The following KNTC1 variants were observed in gnomAD, a reference collection of about 807,000 sequenced individuals.
KNTC1 encodes kinetochore-associated protein 1.
A neutral mutation model predicts 314.4 loss-of-function variants in KNTC1; 253 were observed. The observed-to-expected ratio is 0.80, with a 90% CI of 0.73 to 0.89. The LOEUF is 0.89. KNTC1 is among the 40% of genes least tolerant of loss of function. The pLI is 0.00. For missense variants in KNTC1, 2,475 were observed against 2,572.9 expected (o/e 0.96, Z 0.82); for synonymous variants, 901 against 901.4 (o/e 1.00, Z 0.01).
chr12:122,619,758 T>C (rs1874211136), intron 59 of KNTC1, among the ~76,000 whole-genome samples: 1 of 152,202 alleles, frequency 6.6e-6, no homozygotes, highest in South Asian at 2.1e-4. Flanking sequence ...TTACAATGTC[T>C]ACTTCCCATG....
intron 37 of KNTC1, among the ~76,000 whole-genome samples, chr12:122,586,418 G>A (rs1869308628): frequency 1.3e-5 from 2 of 152,162 alleles, no homozygotes; most frequent in African/African-American, 4.8e-5. Flanking sequence ...TGCTTCTTCA[G>A]TTTGTGGACG....
chr12:122,534,900 C>CG (rs1961663350), intron 3 of KNTC1, 116 bp downstream of exon 3: 1 of 1,009,972 alleles, frequency 9.9e-7, no homozygotes, highest in African/African-American at 1.6e-5. Flanking sequence ...CAAATTAGAC[C>CG]AATTTCAAGT....
At chr12:122,531,270 C>T (rs541376581) in intron 2 of KNTC1, among the ~76,000 whole-genome samples, 40 of 152,034 alleles carry the variant, frequency 2.6e-4, no homozygotes, top group Admixed American at 7.9e-4. Flanking sequence ...GGTGCTATCT[C>T]GGCTCGGCTC....
Position 122,601,934 on chromosome 12 carries a change from T to C in KNTC1, c.4653+309T>C, listed in dbSNP as rs575945996. 1.5e-4 allele frequency: 29 copies of C among 188,500 alleles called. 2 individuals carry two copies. In the South Asian group the frequency reaches 3.0e-3, roughly 20 times the overall value. 11.7% of individuals were successfully genotyped at this position (188,500 alleles called of 1,614,324 possible). A position where few individuals can be genotyped will look rare whatever the true frequency, so the allele number is the denominator to read the frequency against. On this transcript the variant is annotated intron_variant, in intron 45 of 63. Transcript: ENST00000333479. ...TGAAGAATTAAGGAAACATTTGCCATGTAGGAAGTGAAAAAGGCCATGGGA... is the reference window on the plus strand; with the variant it reads ...TGAAGAATTAAGGAAACATTTGCCACGTAGGAAGTGAAAAAGGCCATGGGA...
At chr12:122,567,475 T>A (rs1442936280) in intron 20 of KNTC1, among the ~76,000 whole-genome samples, 1 of 152,244 alleles carries the variant, frequency 6.6e-6, no homozygotes. Context: ...TATATTCAAA[T>A]AATGAAATTT....
At chr12:122,596,935 T>C (rs1291257946) in intron 43 of KNTC1, among the ~76,000 whole-genome samples, 6 of 152,206 alleles carry the variant, frequency 3.9e-5, no homozygotes, top group Non-Finnish European at 8.8e-5. Context: ...CTTTATTCTT[T>C]TCTTTTACTA....
chr12:122,577,074 T>C (rs753711933), intron 30 of KNTC1, 45 bp downstream of exon 30: 1 of 1,423,552 alleles, frequency 7.0e-7, no homozygotes. Flanking sequence ...TCTTTGTTTC[T>C]GTGTTGTTGT....
At chr12:122,537,062 A>T (rs1961895525) in intron 3 of KNTC1, among the ~76,000 whole-genome samples, 1 of 152,198 alleles carries the variant, frequency 6.6e-6, no homozygotes. Context: ...TTGTGGCGGA[A>T]TAACTTGAGT....
chr12:122,572,805 G>T, intron 24 of KNTC1, 132 bp from the exon 25 acceptor site: 1 of 655,590 alleles, frequency 1.5e-6, no homozygotes. Flanking sequence ...GCATAAGTTG[G>T]TTTAAAGTTG....
At position 122,613,768 on chromosome 12, in the gene KNTC1, A is replaced by G. The variant is rs1224972894; in HGVS notation, c.5877+7A>G. 4.4e-6 allele frequency: 7 copies of G among 1,598,722 alleles called. No homozygotes were observed. Among genetic ancestry groups the G allele is most frequent in the African/African-American group, 1.3e-5 (1 of 74,212 alleles). On this transcript the variant is annotated splice_region_variant and intron_variant, in intron 55 of 63. Coordinates refer to ENST00000333479, the MANE Select transcript of KNTC1 (RefSeq NM_014708.6). ...CCACAGCCACGAGTCCATGGTAGGT[A>G]CACCTCACTGCCCCATTCCCAATTC...
At chr12:122,546,911 C>T (rs937083578) in intron 10 of KNTC1, among the ~76,000 whole-genome samples, 4 of 150,686 alleles carry the variant, frequency 2.7e-5, no homozygotes, top group African/African-American at 4.9e-5. Flanking sequence ...CGGCTCACTG[C>T]AACCTCCACC....
At chr12:122,537,638 G>C (rs187042545) in intron 3 of KNTC1, among the ~76,000 whole-genome samples, 9 of 151,816 alleles carry the variant, frequency 5.9e-5, no homozygotes, top group African/African-American at 2.2e-4. Flanking sequence ...GGCTGGTCTC[G>C]AACTCCTGAC....
In KNTC1 at chr12:122,572,953, CAG is replaced by C; in HGVS notation, c.2039_2040del (p.Glu680GlyfsTer11). 1 of 1,589,124 alleles carries C rather than the reference CAG, an allele frequency of 6.3e-7. No individual in the cohort carries two copies. The highest frequency in any genetic ancestry group is 8.6e-7 in the Non-Finnish European group (1 of 1,163,076). On this transcript the variant is annotated frameshift_variant, in exon 25 of 64. Coordinates refer to ENST00000333479, the MANE Select transcript of KNTC1 (RefSeq NM_014708.6). LOFTEE classifies it high-confidence loss of function. ...TTGTTTTAGAAAGATTATCAGAACA[CAG>C]AGGAAGTATGTCAGCTAAGGACTTT... is the stretch of plus-strand genomic sequence containing the variant.
At position 122,575,915 on chromosome 12, in the gene KNTC1, G is replaced by T. The variant is rs370395166; in HGVS notation, c.2586+16G>T. On this transcript the variant is annotated intron_variant, in intron 29 of 63. Transcript: ENST00000333479. The stretch of plus-strand genomic sequence containing the variant: ...GGAAATAATGGTAAGTACACTCTTC[G>T]AAGAGTCTTTTTTCTCTTTCATTTC... The T allele has an allele frequency of 1.9e-6, 3 of 1,581,718 alleles. No homozygotes were observed. Among genetic ancestry groups the T allele is most frequent in the Non-Finnish European group, 2.6e-6 (3 of 1,170,158 alleles).
Position 122,615,702 on chromosome 12 carries a change from A to T in KNTC1, c.6030+176A>T, listed in dbSNP as rs369364331. Among the ~76,000 whole-genome samples, 7 of 152,314 alleles carry T rather than the reference A, an allele frequency of 4.6e-5. No individual in the cohort carries two copies. In the East Asian group the frequency reaches 7.7e-4, roughly 17 times the overall value. The stretch of plus-strand genomic sequence containing the variant: ...TTTGGGAGGCCAAGGTGGAAGGATC[A>T]CTTGAGCCCAGGAGTTTGAGGCTGC... On this transcript the variant is annotated intron_variant, in intron 57 of 63. Coordinates refer to ENST00000333479, the MANE Select transcript of KNTC1 (RefSeq NM_014708.6).
At chr12:122,615,736 G>A (rs7134209) in intron 57 of KNTC1, among the ~76,000 whole-genome samples, 5,367 of 152,184 alleles carry the variant, frequency 0.035, 342 homozygotes, top group African/African-American at 0.12. Context: ...GCAGTGAGCC[G>A]TGATTGCACC....
rs927131220 is a variant in KNTC1, at chr12:122,582,738, T to G, written c.3016T>G (p.Tyr1006Asp). 1 of 1,610,298 alleles carries G rather than the reference T, an allele frequency of 6.2e-7. No individual in the cohort carries two copies. The highest frequency in any genetic ancestry group is 8.5e-7 in the Non-Finnish European group (1 of 1,178,592). The change falls in exon 34 of 64, where the codon TAT becomes GAT. Residue 1006 changes from tyrosine to aspartate, a missense_variant. Tyr to Asp is a radical substitution (Grantham distance 160). Transcript: ENST00000333479. ...NFEVFLSFED[Y>D]SNSSLVADLR... ...TGAGGTCTTTCTTTCATTTGAAGAT[T>G]ATAGCAATAGTTCCCTGGTAGCAGA...
chr12:122,536,461 A>T (rs926823857), intron 3 of KNTC1, among the ~76,000 whole-genome samples: 1 of 150,750 alleles, frequency 6.6e-6, no homozygotes, highest in Non-Finnish European at 1.5e-5. Context: ...CAACCTCATG[A>T]TCTGCCCGCC....
At chr12:122,559,734 C>T (rs1963854106) in intron 18 of KNTC1, among the ~76,000 whole-genome samples, 1 of 152,078 alleles carries the variant, frequency 6.6e-6, no homozygotes, top group African/African-American at 2.4e-5. Flanking sequence ...TGCCACCACA[C>T]CTGGCTAATT....
Sources: gnomAD v4.1 joint callset for allele counts (sites outside exome capture counted in the v4.1 genomes callset) on GRCh38, gnomAD v4.1.1 for gene constraint, MANE v1.5 for transcripts, NCBI Gene and HGNC (gene_info 2026-07-23, HGNC 2026-07-21) for gene names.